SLC9A9: variants seen among roughly 807,000 people sequenced by gnomAD.
The protein encoded by SLC9A9 is sodium/hydrogen exchanger 9.
Under a neutral mutation model 77.8 loss-of-function variants are expected in SLC9A9, and 62 were observed. That is an observed-to-expected ratio of 0.80 (90% CI 0.65 to 0.98). SLC9A9 has a LOEUF of 0.98. SLC9A9 is among the 50% of genes least tolerant of loss of function. SLC9A9 has a pLI of 0.00. For missense variants in SLC9A9, 775 were observed against 774.9 expected (o/e 1.00, Z 0.00); for synonymous variants, 320 against 283.5 (o/e 1.13, Z -1.29).
chr3:143,712,261 T>C (rs16854155), intron 4 of SLC9A9, among the ~76,000 whole-genome samples: 3,949 of 152,204 alleles, frequency 0.026, 163 homozygotes, highest in African/African-American at 0.089. Flanking sequence ...TCTACTTCTC[T>C]GGGGAAAAAA....
At chr3:143,505,573 CTTTG>C (rs1295566218) in intron 9 of SLC9A9, among the ~76,000 whole-genome samples, 9 of 152,270 alleles carry the variant, frequency 5.9e-5, no homozygotes, top group South Asian at 2.1e-4. Flanking sequence ...TCATATATTT[CTTTG>C]TTTGAGAATT....
intron 12 of SLC9A9, among the ~76,000 whole-genome samples, chr3:143,450,167 A>G (rs1276037001): frequency 1.5e-5 from 2 of 132,330 alleles, no homozygotes; most frequent in African/African-American, 5.6e-5. Flanking sequence ...TATAATATAC[A>G]TATTTATTAT....
At chr3:143,705,723 G>A (rs1005732197) in intron 4 of SLC9A9, among the ~76,000 whole-genome samples, 1 of 152,178 alleles carries the variant, frequency 6.6e-6, no homozygotes, top group African/African-American at 2.4e-5. Context: ...GAGAAGGCAC[G>A]CATGCACACT....
chr3:143,433,015 G>C (rs1016830297), intron 12 of SLC9A9, among the ~76,000 whole-genome samples: 3 of 152,168 alleles, frequency 2.0e-5, no homozygotes, highest in Non-Finnish European at 2.9e-5. Context: ...AATCAGCCCT[G>C]GTGGTGTTTC....
At chr3:143,379,662 G>A (rs1413364592) in intron 13 of SLC9A9, among the ~76,000 whole-genome samples, 1 of 152,198 alleles carries the variant, frequency 6.6e-6, no homozygotes, top group African/African-American at 2.4e-5. Context: ...AGTGAGAAAT[G>A]TCTTTAAAAA....
rs928623271 is a variant in SLC9A9, at chr3:143,528,812, A to G, written c.1089+23550T>C. Among the ~76,000 whole-genome samples the G allele has an allele frequency of 1.1e-4, 17 of 151,950 alleles. No individual in the cohort carries two copies. The South Asian group carries it at 1.5e-3, about 13-fold the overall frequency. On this transcript the variant is annotated intron_variant, in intron 9 of 15. Coordinates refer to ENST00000316549, the MANE Select transcript of SLC9A9 (RefSeq NM_173653.4). ...CTTCTAGCTCAAAAGTAAAAAAAAA[A>G]AAGTGTGACAAATATGTCTTAAGTA... is the stretch of plus-strand genomic sequence containing the variant.
At chr3:143,755,766 T>C (rs1316183556) in intron 4 of SLC9A9, among the ~76,000 whole-genome samples, 2 of 152,172 alleles carry the variant, frequency 1.3e-5, no homozygotes, top group African/African-American at 2.4e-5. Flanking sequence ...CCATGATATA[T>C]ATAAATGCCA....
At position 143,416,802 on chromosome 3, in the gene SLC9A9, T is replaced by C. The variant is rs115904109; in HGVS notation, c.1470-34688A>G. 9.8e-3 allele frequency among the ~76,000 whole-genome samples: 1,492 copies of C among 152,350 alleles called. 22 individuals are homozygous for C. The highest frequency in any genetic ancestry group is 0.034 in the African/African-American group (1,413 of 41,570). On this transcript the variant is annotated intron_variant, in intron 12 of 15. Coordinates refer to ENST00000316549, the MANE Select transcript of SLC9A9 (RefSeq NM_173653.4). Reference sequence around the variant, plus strand: ...TATATGTGCACATATTACATGTGTATATCTGTATATATGTGTATGTGTACA... The same window carrying C: ...TATATGTGCACATATTACATGTGTACATCTGTATATATGTGTATGTGTACA...
Position 143,681,334 on chromosome 3 carries a change from C to T in SLC9A9, c.649+11858G>A, listed in dbSNP as rs573097848. 9.9e-5 allele frequency among the ~76,000 whole-genome samples: 15 copies of T among 151,988 alleles called. No homozygotes were observed. In the East Asian group the frequency reaches 1.2e-3, roughly 12 times the overall value. Reference sequence around the variant, plus strand: ...TTAGAATTTTTATTAGTAACGCTGCCGCATATTATTAAATGTCTTTTCCTC... The same window carrying T: ...TTAGAATTTTTATTAGTAACGCTGCTGCATATTATTAAATGTCTTTTCCTC... On this transcript the variant is annotated intron_variant, in intron 5 of 15. Coordinates refer to ENST00000316549, the MANE Select transcript of SLC9A9 (RefSeq NM_173653.4).
At chr3:143,447,955 A>G (rs1481038156) in intron 12 of SLC9A9, among the ~76,000 whole-genome samples, 1 of 152,190 alleles carries the variant, frequency 6.6e-6, no homozygotes, top group Non-Finnish European at 1.5e-5. Flanking sequence ...TGGCTGGCAC[A>G]CAGTAGAAGC....
intron 4 of SLC9A9, among the ~76,000 whole-genome samples, chr3:143,769,630 G>A (rs904939481): frequency 2.0e-5 from 3 of 152,092 alleles, no homozygotes; most frequent in African/African-American, 7.2e-5. Flanking sequence ...GTAATTCCAT[G>A]TGAGCTAAAG....
chr3:143,396,542 T>C (rs1243063903), intron 12 of SLC9A9, among the ~76,000 whole-genome samples: 1 of 152,184 alleles, frequency 6.6e-6, no homozygotes, highest in Non-Finnish European at 1.5e-5. Flanking sequence ...TGTATACATA[T>C]GTAACAAACC....
chr3:143,610,400 G>A (rs913180506), intron 6 of SLC9A9, among the ~76,000 whole-genome samples: 5 of 152,150 alleles, frequency 3.3e-5, no homozygotes, highest in African/African-American at 2.4e-5. Flanking sequence ...TCTTGCCTTC[G>A]CCTCTCAAAG....
At chr3:143,542,960 T>C (rs2108631429) in intron 9 of SLC9A9, among the ~76,000 whole-genome samples, 1 of 152,360 alleles carries the variant, frequency 6.6e-6, no homozygotes, top group Non-Finnish European at 1.5e-5. Context: ...CAGAGTTTAC[T>C]AAAAAGAAGT....
intron 6 of SLC9A9, among the ~76,000 whole-genome samples, chr3:143,628,084 C>T (rs867250116): frequency 1.3e-5 from 2 of 152,144 alleles, no homozygotes; most frequent in Admixed American, 6.5e-5. Flanking sequence ...ATACGGCTTT[C>T]TCACTGTAAC....
chr3:143,573,019 T>C (rs537497952), intron 8 of SLC9A9, among the ~76,000 whole-genome samples: 132 of 152,294 alleles, frequency 8.7e-4, no homozygotes, highest in African/African-American at 3.0e-3. Context: ...AAATTGAATT[T>C]CCTGGTTTTA....
chr3:143,458,959 T>C (rs777828701), intron 12 of SLC9A9, among the ~76,000 whole-genome samples: 15 of 152,242 alleles, frequency 9.9e-5, no homozygotes, highest in Non-Finnish European at 1.8e-4. Flanking sequence ...ATACTTTTGT[T>C]CAGATTAGAT....
At chr3:143,531,870 A>G (rs1465431827) in intron 9 of SLC9A9, among the ~76,000 whole-genome samples, 1 of 152,222 alleles carries the variant, frequency 6.6e-6, no homozygotes, top group Non-Finnish European at 1.5e-5. Flanking sequence ...CATGAAGTTA[A>G]CATGATTTTC....
chr3:143,839,557 A>G (rs1464442356), intron 1 of SLC9A9, among the ~76,000 whole-genome samples: 4 of 152,218 alleles, frequency 2.6e-5, no homozygotes, highest in African/African-American at 9.6e-5. Context: ...ACACACATAT[A>G]GCACATATGT....
Sources: allele counts gnomAD v4.1 joint callset (sites outside exome capture counted in the v4.1 genomes callset), GRCh38; gene constraint gnomAD v4.1.1; transcripts MANE v1.5; gene names NCBI Gene and HGNC (gene_info 2026-07-23, HGNC 2026-07-21).